The following ATF6 variants were observed in gnomAD, a reference collection of about 807,000 sequenced individuals.
The protein encoded by ATF6 is activating transcription factor 6.
In ATF6, 53 loss-of-function variants were observed where a neutral mutation model predicts 83.6. The observed-to-expected ratio is 0.63, with a 90% CI of 0.51 to 0.80. The LOEUF (loss-of-function observed/expected upper bound fraction) is 0.80, where lower values mean the gene tolerates loss of function less well. Among genes scored for constraint, ATF6 ranks in the 30% least tolerant of loss-of-function variants. The pLI is 0.00. For synonymous variants in ATF6, 288 were observed against 285.8 expected (o/e 1.01, Z -0.08); for missense variants, 744 against 797.9 (o/e 0.93, Z 0.81).
intron 15 of ATF6, among the ~76,000 whole-genome samples, chr1:161,935,265 TA>T (rs1234383162): frequency 1.3e-5 from 2 of 152,208 alleles, no homozygotes; most frequent in African/African-American, 2.4e-5. Flanking sequence ...TAAGCGTTTG[TA>T]GCCTCCCAAA....
At chr1:161,913,322 T>C (rs1026331131) in intron 15 of ATF6, among the ~76,000 whole-genome samples, 17 of 152,188 alleles carry the variant, frequency 1.1e-4, no homozygotes, top group African/African-American at 4.1e-4. Flanking sequence ...TTGATAAATA[T>C]AATTAAACCT....
intron 9 of ATF6, among the ~76,000 whole-genome samples, chr1:161,823,749 T>A (rs1046397207): frequency 9.9e-5 from 15 of 152,174 alleles, no homozygotes; most frequent in African/African-American, 3.6e-4. Context: ...TGAAGAAAAT[T>A]TAGACTCACA....
intron 9 of ATF6, among the ~76,000 whole-genome samples, chr1:161,842,955 A>G (rs1426633285): frequency 1.3e-5 from 2 of 152,176 alleles, no homozygotes; most frequent in Admixed American, 6.5e-5. Context: ...ATGCACTTGT[A>G]TGATTATTGT....
chr1:161,776,066 G>A (rs1424162823), intron 1 of ATF6, among the ~76,000 whole-genome samples: 1 of 151,902 alleles, frequency 6.6e-6, no homozygotes, highest in African/African-American at 2.4e-5. Context: ...GATTCTTTTA[G>A]TCTCCCGACT....
chr1:161,827,632 T>C (rs1248876977), intron 9 of ATF6, among the ~76,000 whole-genome samples: 1 of 150,764 alleles, frequency 6.6e-6, no homozygotes, highest in Non-Finnish European at 1.5e-5. Flanking sequence ...TTGTGCCTTA[T>C]TGGTATGGGC....
At chr1:161,869,735 T>C (rs559212882) in intron 14 of ATF6, among the ~76,000 whole-genome samples, 1 of 152,004 alleles carries the variant, frequency 6.6e-6, no homozygotes, top group South Asian at 2.1e-4. Context: ...AAACTTAACC[T>C]AGATTTATTT....
intron 3 of ATF6, among the ~76,000 whole-genome samples, chr1:161,782,370 T>G (rs1389961612): frequency 6.6e-6 from 1 of 152,144 alleles, no homozygotes; most frequent in Non-Finnish European, 1.5e-5. Context: ...GTCCCATGCA[T>G]TTAATACATG....
chr1:161,892,155 G>A (rs769163423), intron 14 of ATF6: 1 of 152,162 alleles, frequency 6.6e-6, no homozygotes, highest in African/African-American at 2.4e-5. Flanking sequence ...TATGCCTCCA[G>A]TTTAACAGAT....
intron 15 of ATF6, among the ~76,000 whole-genome samples, chr1:161,938,603 A>AT (rs910813477): frequency 5.3e-5 from 8 of 152,088 alleles, no homozygotes; most frequent in Admixed American, 1.3e-4. Context: ...TGTAACAATT[A>AT]TTTTTTTTAA....
In ATF6 at chr1:161,791,490, A is replaced by G. The variant is rs200620848; in HGVS notation, c.437A>G (p.Glu146Gly). ...AACTCTAATAGTCTCTCTTCAGCGG[A>G]GCCACTGAAGGAAGATAAGCCTGTC... ...GENSNSLSSA[E>G]PLKEDKPVTG... The change falls in exon 5 of 16, where the codon GAG becomes GGG. Residue 146 changes from glutamate to glycine, a missense_variant. Transcript: ENST00000367942. 10 of 1,612,398 alleles carry G rather than the reference A, an allele frequency of 6.2e-6. No homozygotes were observed. The highest frequency in any genetic ancestry group is 8.5e-6 in the Non-Finnish European group (10 of 1,179,302).
chr1:161,890,594 G>A (rs1476184826), intron 14 of ATF6, among the ~76,000 whole-genome samples: 1 of 152,204 alleles, frequency 6.6e-6, no homozygotes, highest in Admixed American at 6.5e-5. Context: ...CAGCCAGGCC[G>A]CCAGGTAGGT....
intron 14 of ATF6, among the ~76,000 whole-genome samples, chr1:161,906,655 G>A (rs959132107): frequency 3.3e-5 from 5 of 152,292 alleles, no homozygotes; most frequent in African/African-American, 1.2e-4. Context: ...TTTGTATTAA[G>A]TGTCAAAAGT....
At chr1:161,767,468 T>C (rs952212367) in intron 1 of ATF6, among the ~76,000 whole-genome samples, 1 of 152,242 alleles carries the variant, frequency 6.6e-6, no homozygotes, top group South Asian at 2.1e-4. Flanking sequence ...ATTCCCATTT[T>C]CCCAAGCCAA....
Position 161,790,072 on chromosome 1 carries a change from G to GAAAT in ATF6, c.355-1335_355-1332dup, listed in dbSNP as rs1684842402. ...CTACCATTTGCGTTTCCTTTTCAGT[G>GAAAT]AAATGGCTGTTCCTGCCTTTTGTCT... is the stretch of plus-strand genomic sequence containing the variant. On this transcript the variant is annotated intron_variant, in intron 4 of 15. Coordinates refer to ENST00000367942, the MANE Select transcript of ATF6 (RefSeq NM_007348.4). Among the ~76,000 whole-genome samples the GAAAT allele has an allele frequency of 2.6e-5, 4 of 152,150 alleles. No individual in the cohort carries two copies. In the South Asian group the frequency reaches 8.3e-4, roughly 32 times the overall value.
At chr1:161,837,032 G>T (rs992759906) in intron 9 of ATF6, among the ~76,000 whole-genome samples, 5 of 152,168 alleles carry the variant, frequency 3.3e-5, no homozygotes, top group Non-Finnish European at 7.3e-5. Flanking sequence ...TGGATAGTTT[G>T]TGTGAAATAG....
At chr1:161,866,566 T>C (rs952977320) in intron 14 of ATF6, among the ~76,000 whole-genome samples, 1 of 152,226 alleles carries the variant, frequency 6.6e-6, no homozygotes, top group Admixed American at 6.5e-5. Flanking sequence ...TTCCAGTTAT[T>C]TGTAGCTTAT....
rs1296451888 is a variant in ATF6, at chr1:161,792,321, A to G, written c.682A>G (p.Thr228Ala). The change falls in exon 6 of 16, where the codon ACT becomes GCT. Residue 228 changes from threonine (T) to alanine (A), a missense_variant. By Grantham distance (58) the Thr-to-Ala change is moderately conservative (BLOSUM62 0). Coordinates refer to ENST00000367942, the MANE Select transcript of ATF6 (RefSeq NM_007348.4). ...QPIISLQPAP[T>A]KGQTVLLSQP... ...AATTATCAGTTTACAACCTGCACCC[A>G]CTAAAGGTACCTGAGCAGAATTTAA... 2.5e-6 allele frequency: 4 copies of G among 1,613,470 alleles called. No individual in the cohort carries two copies. The African/African-American group carries it at 4.0e-5, about 16-fold the overall frequency.
At chr1:161,918,494 C>A (rs1201126012) in intron 15 of ATF6, among the ~76,000 whole-genome samples, 1 of 152,070 alleles carries the variant, frequency 6.6e-6, no homozygotes, top group Non-Finnish European at 1.5e-5. Flanking sequence ...AGATAAATTT[C>A]TTTGGCTTAT....
intron 1 of ATF6, among the ~76,000 whole-genome samples, chr1:161,777,881 C>G (rs59199825): frequency 0.12 from 17,984 of 152,084 alleles, 1,576 homozygotes; most frequent in East Asian, 0.31. Flanking sequence ...TGTCTACTTT[C>G]CACAGTTGTC....
Sources: allele counts gnomAD v4.1 joint callset (sites outside exome capture counted in the v4.1 genomes callset), GRCh38; gene constraint gnomAD v4.1.1; transcripts MANE v1.5; gene names NCBI Gene and HGNC (gene_info 2026-07-23, HGNC 2026-07-21).